Variants in ATP8B4 observed in about 807,000 individuals in gnomAD.
ATP8B4 encodes the protein probable phospholipid-transporting ATPase IM.
In ATP8B4, 133 loss-of-function variants were observed where a neutral mutation model predicts 145.6. The observed-to-expected ratio is 0.91, with a 90% CI of 0.79 to 1.05. The LOEUF (loss-of-function observed/expected upper bound fraction) is 1.05, where lower values mean the gene tolerates loss of function less well. Ranked by LOEUF, ATP8B4 falls within the 50% of genes least tolerant of loss-of-function variation. The pLI is 0.00. For synonymous variants in ATP8B4, 507 were observed against 492.9 expected (o/e 1.03, Z -0.38); for missense variants, 1,458 against 1,425.2 (o/e 1.02, Z -0.37).
intron 14 of ATP8B4, among the ~76,000 whole-genome samples, chr15:49,937,474 G>A (rs1460894007): frequency 6.6e-6 from 1 of 152,124 alleles, no homozygotes; most frequent in South Asian, 2.1e-4. Context: ...TAAGACAAGA[G>A]ACAGGTATAG....
At chr15:50,117,698 G>A (rs2057195837) in intron 1 of ATP8B4, among the ~76,000 whole-genome samples, 1 of 152,140 alleles carries the variant, frequency 6.6e-6, no homozygotes, top group Non-Finnish European at 1.5e-5. Context: ...AGAGATATCT[G>A]TACTCCCCTG....
At chr15:50,155,528 C>T (rs554710198) in intron 1 of ATP8B4, among the ~76,000 whole-genome samples, 3 of 152,148 alleles carry the variant, frequency 2.0e-5, no homozygotes, top group East Asian at 3.9e-4. Flanking sequence ...AACTTATTTA[C>T]TAAAGATTTA....
intron 26 of ATP8B4, among the ~76,000 whole-genome samples, chr15:49,865,292 A>G (rs1246329845): frequency 6.6e-6 from 1 of 152,244 alleles, no homozygotes; most frequent in Non-Finnish European, 1.5e-5. Context: ...ATGCCTGGAA[A>G]GGGCATGGAA....
At chr15:49,908,201 C>G (rs1454796233) in intron 20 of ATP8B4, 1 of 431,124 alleles carries the variant, frequency 2.3e-6, no homozygotes, top group Non-Finnish European at 4.7e-6. Flanking sequence ...TTATTAAAAT[C>G]TAGATCTGTT....
intron 1 of ATP8B4, among the ~76,000 whole-genome samples, chr15:50,153,807 C>T (rs1451414806): frequency 6.6e-6 from 1 of 152,122 alleles, no homozygotes; most frequent in Non-Finnish European, 1.5e-5. Context: ...GACAGCATTT[C>T]CAAACTAAAA....
chr15:49,997,690 C>G (rs1180952757), intron 8 of ATP8B4, among the ~76,000 whole-genome samples: 1 of 151,976 alleles, frequency 6.6e-6, no homozygotes, highest in Non-Finnish European at 1.5e-5. Context: ...TTTTAGACAG[C>G]CAAAAAGCAG....
intron 14 of ATP8B4, among the ~76,000 whole-genome samples, chr15:49,936,877 A>T (rs2041780447): frequency 2.0e-5 from 3 of 149,728 alleles, no homozygotes; most frequent in Non-Finnish European, 4.4e-5. Context: ...GAGTCTCTTG[A>T]CTTAATCTTC....
chr15:50,175,385 C>G (rs2044746965), intron 1 of ATP8B4, among the ~76,000 whole-genome samples: 1 of 152,142 alleles, frequency 6.6e-6, no homozygotes, highest in South Asian at 2.1e-4. Flanking sequence ...TCTTTACAAC[C>G]TATACATCTG....
chr15:50,023,278 T>C (rs2049731254), intron 6 of ATP8B4, among the ~76,000 whole-genome samples: 1 of 152,204 alleles, frequency 6.6e-6, no homozygotes, highest in Non-Finnish European at 1.5e-5. Flanking sequence ...CAAGAGCCAC[T>C]ACTGGGAACG....
intron 6 of ATP8B4, among the ~76,000 whole-genome samples, chr15:50,027,618 A>T (rs760460840): frequency 1.3e-5 from 2 of 152,134 alleles, no homozygotes; most frequent in Non-Finnish European, 2.9e-5. Context: ...TCCATTTCTC[A>T]ATACTTAACT....
intron 14 of ATP8B4, among the ~76,000 whole-genome samples, chr15:49,937,495 T>C (rs2041832389): frequency 6.6e-6 from 1 of 152,118 alleles, no homozygotes; most frequent in Admixed American, 6.6e-5. Context: ...TTCACAATAT[T>C]TAAGGAGGCA....
intron 23 of ATP8B4, among the ~76,000 whole-genome samples, chr15:49,884,817 T>C (rs2035980088): frequency 6.6e-6 from 1 of 152,110 alleles, no homozygotes; most frequent in East Asian, 1.9e-4. Context: ...CTCCACCTCC[T>C]GTCAGATGAG....
Position 50,127,675 on chromosome 15 carries a change from G to A in ATP8B4, c.-42-20667C>T, listed in dbSNP as rs187998627. The stretch of plus-strand genomic sequence containing the variant: ...CTGCTGCAGCTTGTGCTATAATACC[G>A]ATTGCAAAGAAATTGATCCTACAGA... On this transcript the variant is annotated intron_variant, in intron 1 of 3. Transcript: ENST00000558829. 8.0e-4 allele frequency among the ~76,000 whole-genome samples: 122 copies of A among 152,254 alleles called. 1 individual carries two copies. In the Middle Eastern group the frequency reaches 0.024, roughly 30 times the overall value.
chr15:50,175,394 T>C (rs918791094), intron 1 of ATP8B4, among the ~76,000 whole-genome samples: 2 of 152,180 alleles, frequency 1.3e-5, no homozygotes, highest in Non-Finnish European at 2.9e-5. Context: ...CCTATACATC[T>C]GACAAAGGAC....
intron 3 of ATP8B4, among the ~76,000 whole-genome samples, chr15:50,062,316 C>T (rs758571859): frequency 6.6e-6 from 1 of 152,068 alleles, no homozygotes; most frequent in African/African-American, 2.4e-5. Context: ...GTCACCTTCC[C>T]ACTCACTCTC....
chr15:50,085,093 G>C (rs559357188), intron 2 of ATP8B4, among the ~76,000 whole-genome samples: 4 of 152,208 alleles, frequency 2.6e-5, no homozygotes, highest in African/African-American at 9.6e-5. Flanking sequence ...GAAGCCAGTT[G>C]TTACCAAGGC....
intron 10 of ATP8B4, among the ~76,000 whole-genome samples, chr15:49,982,042 G>C (rs2046200287): frequency 6.6e-6 from 1 of 152,098 alleles, no homozygotes; most frequent in Admixed American, 6.6e-5. Context: ...ATGCTAAATA[G>C]AAGCAATTAA....
At chr15:49,936,249 C>T (rs953568073) in intron 14 of ATP8B4, among the ~76,000 whole-genome samples, 7 of 152,186 alleles carry the variant, frequency 4.6e-5, no homozygotes, top group African/African-American at 1.4e-4. Flanking sequence ...TGGGATTACT[C>T]TCTTGGGCTG....
chr15:49,926,840 G>A (rs1418673120), intron 16 of ATP8B4, among the ~76,000 whole-genome samples: 5 of 152,122 alleles, frequency 3.3e-5, no homozygotes, highest in Admixed American at 6.5e-5. Context: ...CACTGTGAAG[G>A]GTGGTAAATA....
Sources: allele counts gnomAD v4.1 joint callset (sites outside exome capture counted in the v4.1 genomes callset), GRCh38; gene constraint gnomAD v4.1.1; transcripts MANE v1.5; gene names NCBI Gene and HGNC (gene_info 2026-07-23, HGNC 2026-07-21).